Variants in ZCCHC7 observed in about 807,000 individuals in gnomAD.
ZCCHC7 encodes the protein zinc finger CCHC domain-containing protein 7.
ZCCHC7 carries 35 observed loss-of-function variants against 52.0 expected under a neutral mutation model. That is an observed-to-expected ratio of 0.67 (90% confidence interval 0.51 to 0.89). The LOEUF is 0.89. Ranked by LOEUF, ZCCHC7 falls within the 40% of genes least tolerant of loss-of-function variation. ZCCHC7 has a pLI of 0.00. For missense variants in ZCCHC7, 574 were observed against 649.1 expected (o/e 0.88, Z 1.26); for synonymous variants, 217 against 221.5 (o/e 0.98, Z 0.18).
rs1186021758 is a variant in ZCCHC7 at position 37,259,079 on chromosome 9, C to T, written c.611-43109C>T. 2.6e-5 allele frequency among the ~76,000 whole-genome samples: 4 copies of T among 151,646 alleles called. No homozygotes were observed. The East Asian group carries it at 7.7e-4, about 29-fold the overall frequency. On this transcript the variant is annotated intron_variant, in intron 2 of 8. Coordinates refer to ENST00000336755, the MANE Select transcript of ZCCHC7 (RefSeq NM_032226.3). Reference sequence around the variant, plus strand: ...GTAGCAGAAAAAATGAAAAACAAAACAAAAAAAACTTGGGTTAGCGTCTAA... The same window carrying T: ...GTAGCAGAAAAAATGAAAAACAAAATAAAAAAAACTTGGGTTAGCGTCTAA...
chr9:37,282,941 G>A (rs549004812), intron 2 of ZCCHC7, among the ~76,000 whole-genome samples: 65 of 120,238 alleles, frequency 5.4e-4, no homozygotes, highest in African/African-American at 1.9e-3. Context: ...CTCCAAATTA[G>A]TAGAATGCCA....
intron 5 of ZCCHC7, among the ~76,000 whole-genome samples, chr9:37,310,759 G>A (rs952208804): frequency 3.3e-5 from 5 of 151,338 alleles, no homozygotes; most frequent in African/African-American, 7.3e-5. Context: ...CATGACATTG[G>A]GGCAACATAG....
intron 5 of ZCCHC7, 188 bp from the exon 6 acceptor site, chr9:37,327,611 G>A (rs1292827540): frequency 1.1e-5 from 6 of 554,526 alleles, no homozygotes; most frequent in Non-Finnish European, 1.9e-5. Context: ...GGCGGGGAGT[G>A]TGTTAAACCA....
chr9:37,265,416 C>T (rs967833559), intron 2 of ZCCHC7, among the ~76,000 whole-genome samples: 13 of 152,244 alleles, frequency 8.5e-5, no homozygotes, highest in African/African-American at 2.9e-4. Flanking sequence ...AAAGAAAGTT[C>T]GTCATTCCTC....
chr9:37,173,664 A>T (rs1038871), intron 2 of ZCCHC7, among the ~76,000 whole-genome samples: 56 of 152,282 alleles, frequency 3.7e-4, no homozygotes, highest in African/African-American at 1.2e-3. Context: ...CAGATTAAAA[A>T]CTTTTCTTTG....
intron 2 of ZCCHC7, among the ~76,000 whole-genome samples, chr9:37,169,426 G>A (rs1315467649): frequency 6.6e-6 from 1 of 152,190 alleles, no homozygotes. Context: ...TCCTTGAGAT[G>A]TTTGGAAGAC....
intron 5 of ZCCHC7, among the ~76,000 whole-genome samples, chr9:37,316,686 A>G (rs1301413126): frequency 6.6e-6 from 1 of 152,134 alleles, no homozygotes; most frequent in East Asian, 1.9e-4. Context: ...TATAGATAAC[A>G]ATGTCCAGTG....
At chr9:37,209,774 T>C (rs903024204) in intron 2 of ZCCHC7, among the ~76,000 whole-genome samples, 1 of 152,046 alleles carries the variant, frequency 6.6e-6, no homozygotes, top group African/African-American at 2.4e-5. Flanking sequence ...TCTGGAGAAG[T>C]GTGGAGTAGT....
intron 2 of ZCCHC7, among the ~76,000 whole-genome samples, chr9:37,293,792 CCTT>C (rs1828651334): frequency 6.7e-6 from 1 of 149,578 alleles, no homozygotes; most frequent in African/African-American, 2.4e-5. Flanking sequence ...GGAGATGAGG[CCTT>C]CTCTCTCTCT....
At position 37,258,241 on chromosome 9, in the gene ZCCHC7, C is replaced by T. The variant is rs142766520; in HGVS notation, c.611-43947C>T. ...AAATAGGACCATTTTTACATCAGCGCCTCCTCTCCCTGTCTTACAGGGGTT... is the reference window on the plus strand; with the variant it reads ...AAATAGGACCATTTTTACATCAGCGTCTCCTCTCCCTGTCTTACAGGGGTT... On this transcript the variant is annotated intron_variant, in intron 2 of 8. Coordinates refer to ENST00000336755, the MANE Select transcript of ZCCHC7 (RefSeq NM_032226.3). Among the ~76,000 whole-genome samples, 562 of 152,216 alleles carry T rather than the reference C, an allele frequency of 3.7e-3. 6 individuals are homozygous for T. The highest frequency in any genetic ancestry group is 0.012 in the South Asian group (60 of 4,820).
intron 2 of ZCCHC7, among the ~76,000 whole-genome samples, chr9:37,127,373 A>T (rs1030728288): frequency 6.6e-6 from 1 of 152,182 alleles, no homozygotes; most frequent in Non-Finnish European, 1.5e-5. Flanking sequence ...GATGGCAAGC[A>T]TAGGGAATGT....
chr9:37,225,926 C>A lies in ZCCHC7; in HGVS notation c.611-76262C>A, dbSNP rs930089393. On this transcript the variant is annotated intron_variant, in intron 2 of 8. Transcript: ENST00000336755. Reference sequence around the variant, plus strand: ...CTACATTGTACTGGAAGTCAATTGTCTGGAAGTCATTGTACTGCCAGTGCA... The same window carrying A: ...CTACATTGTACTGGAAGTCAATTGTATGGAAGTCATTGTACTGCCAGTGCA... Among the ~76,000 whole-genome samples the A allele has an allele frequency of 3.3e-5, 5 of 152,322 alleles. No individual in the cohort carries two copies. In the East Asian group the frequency reaches 5.8e-4, roughly 18 times the overall value.
chr9:37,303,852 G>A (rs959093725), intron 3 of ZCCHC7, among the ~76,000 whole-genome samples: 1 of 151,736 alleles, frequency 6.6e-6, no homozygotes, highest in African/African-American at 2.4e-5. Context: ...TAGTAGAGAT[G>A]GGGTTTCTCC....
At chr9:37,350,073 C>A (rs1821273287) in intron 7 of ZCCHC7, among the ~76,000 whole-genome samples, 2 of 151,154 alleles carry the variant, frequency 1.3e-5, no homozygotes, top group Non-Finnish European at 2.9e-5. Context: ...CAGGCGTGAG[C>A]TACCACACCT....
chr9:37,131,545 T>A (rs749629673), intron 2 of ZCCHC7, among the ~76,000 whole-genome samples: 3 of 152,036 alleles, frequency 2.0e-5, no homozygotes, highest in Non-Finnish European at 2.9e-5. Flanking sequence ...CTTGGGAGGC[T>A]GAGGAAGGAG....
chr9:37,214,543 T>C (rs747477837), intron 2 of ZCCHC7, among the ~76,000 whole-genome samples: 1 of 152,218 alleles, frequency 6.6e-6, no homozygotes, highest in South Asian at 2.1e-4. Flanking sequence ...GTCGTGTTGT[T>C]TCTCATCACT....
intron 2 of ZCCHC7, among the ~76,000 whole-genome samples, chr9:37,232,251 T>C (rs1825443779): frequency 6.6e-6 from 1 of 152,208 alleles, no homozygotes; most frequent in Non-Finnish European, 1.5e-5. Flanking sequence ...TCTGAAAGAA[T>C]AGGTGTCTTG....
In ZCCHC7 at chr9:37,132,941, A is replaced by G. The variant is rs568794403; in HGVS notation, c.610+5999A>G. ...ATCACGAGGTCTGGAGTTCGAGACTAGCCTGACCAACATGGTGAAACCCCG... is the reference window on the plus strand; with the variant it reads ...ATCACGAGGTCTGGAGTTCGAGACTGGCCTGACCAACATGGTGAAACCCCG... On this transcript the variant is annotated intron_variant, in intron 2 of 8. Transcript: ENST00000336755. 5.9e-5 allele frequency among the ~76,000 whole-genome samples: 9 copies of G among 152,330 alleles called. No individual in the cohort carries two copies. In the East Asian group the frequency reaches 1.7e-3, roughly 29 times the overall value.
Position 37,236,615 on chromosome 9 carries a change from C to T in ZCCHC7, c.611-65573C>T, listed in dbSNP as rs191128685. ...TTCACCGTGTTAGCCAGGATGATCT[C>T]GATCTTCTGACCTCGTGATCCGCCC... On this transcript the variant is annotated intron_variant, in intron 2 of 8. Coordinates refer to ENST00000336755, the MANE Select transcript of ZCCHC7 (RefSeq NM_032226.3). Among the ~76,000 whole-genome samples the T allele has an allele frequency of 6.6e-5, 10 of 152,110 alleles. No individual in the cohort carries two copies. In the East Asian group the frequency reaches 1.5e-3, roughly 24 times the overall value.
Sources: allele counts gnomAD v4.1 joint callset (sites outside exome capture counted in the v4.1 genomes callset), GRCh38; gene constraint gnomAD v4.1.1; transcripts MANE v1.5; gene names NCBI Gene and HGNC (gene_info 2026-07-23, HGNC 2026-07-21).